Variants in NPAS3 observed in about 807,000 individuals in gnomAD.
NPAS3 encodes neuronal PAS domain-containing protein 3.
In NPAS3, 14 loss-of-function variants were observed where a neutral mutation model predicts 73.1. That is an observed-to-expected ratio of 0.19 (90% CI 0.13 to 0.30). The LOEUF (loss-of-function observed/expected upper bound fraction) is 0.30, where lower values mean the gene tolerates loss of function less well. Among genes scored for constraint, NPAS3 ranks in the 10% least tolerant of loss-of-function variants. The pLI, the probability that NPAS3 is intolerant of heterozygous loss-of-function variation, is 1.00. For missense variants in NPAS3, 1,096 were observed against 1,250.0 expected, an observed-to-expected ratio of 0.88 and a Z score of 1.86; for synonymous variants, 620 against 541.5, an observed-to-expected ratio of 1.14 and a Z score of -2.01.
chr14:33,800,874 T>A lies in NPAS3; in HGVS notation c.2567T>A (p.Val856Asp), dbSNP rs771327596. 1 of 1,606,556 alleles carries A rather than the reference T, an allele frequency of 6.2e-7. No individual in the cohort carries two copies. Among genetic ancestry groups the A allele is most frequent in the African/African-American group, 1.3e-5 (1 of 74,840 alleles). ...GCGCACGCTGTTAACTTCGTGGACG[T>A]TAACAGCCCCGGCTTTGGCCTCGAC... The change falls in exon 12 of 12, where the codon GTT (valine) becomes GAT (aspartate). Residue 856 changes from valine (V) to aspartate (D), a missense_variant. Physicochemically the swap from Val to Asp is radical, Grantham distance 152. Coordinates refer to ENST00000356141, the Ensembl canonical transcript of NPAS3. This position sits in a 1 kb window ranked among gnomAD's most constrained non-coding sequence, Gnocchi z 6.5.
At chr14:33,560,094 T>G (rs201531215) in intron 4 of NPAS3, 27 bp from the exon 5 acceptor site, 6 of 825,168 alleles carry the variant, frequency 7.3e-6, no homozygotes, top group Non-Finnish European at 1.3e-5. Context: ...TATTAATCTA[T>G]TTATATATTT....
chr14:33,769,415 C>T (rs733313), intron 7 of NPAS3, among the ~76,000 whole-genome samples: 4,823 of 152,288 alleles, frequency 0.032, 232 homozygotes, highest in African/African-American at 0.11. Context: ...AGTCTATTGT[C>T]GTCATCGTCC....
At chr14:33,740,780 C>T (rs2061636172) in intron 7 of NPAS3, among the ~76,000 whole-genome samples, 1 of 152,154 alleles carries the variant, frequency 6.6e-6, no homozygotes, top group South Asian at 2.1e-4. Flanking sequence ...ATCATGACTT[C>T]ATGCTAGCCT....
At chr14:33,280,827 A>C (rs1427688955) in intron 3 of NPAS3, among the ~76,000 whole-genome samples, 1 of 152,176 alleles carries the variant, frequency 6.6e-6, no homozygotes, top group Non-Finnish European at 1.5e-5. Flanking sequence ...GTGAGTCACC[A>C]CTCAAGTTCA....
intron 7 of NPAS3, among the ~76,000 whole-genome samples, chr14:33,769,756 C>CTTTTTTTTTTTTTTTTTT (rs916953785): frequency 6.1e-5 from 5 of 81,878 alleles, no homozygotes; most frequent in Admixed American, 3.7e-4. Flanking sequence ...TTTTTTTTTT[C>CTTTTTTTTTTTTTTTTTT]TTTTTTTTTT....
At chr14:33,494,575 A>G (rs1237089132) in intron 4 of NPAS3, among the ~76,000 whole-genome samples, 3 of 152,120 alleles carry the variant, frequency 2.0e-5, no homozygotes, top group Non-Finnish European at 4.4e-5. Flanking sequence ...TCAGACCTGG[A>G]TCTACAGGGA....
At chr14:33,720,871 T>G (rs1251235625) in intron 6 of NPAS3, among the ~76,000 whole-genome samples, 2 of 152,110 alleles carry the variant, frequency 1.3e-5, no homozygotes, top group African/African-American at 4.8e-5. Context: ...ATCCATGGGG[T>G]GATCTTCAGA....
intron 5 of NPAS3, among the ~76,000 whole-genome samples, chr14:33,639,656 T>C (rs2058620902): frequency 6.6e-6 from 1 of 152,220 alleles, no homozygotes; most frequent in Admixed American, 6.5e-5. Flanking sequence ...TGCCACTACA[T>C]CTTCTCCATC....
chr14:33,303,880 A>G (rs2042650703), intron 3 of NPAS3, among the ~76,000 whole-genome samples: 1 of 152,192 alleles, frequency 6.6e-6, no homozygotes, highest in South Asian at 2.1e-4. Flanking sequence ...GGACAGAAAC[A>G]TAGAAACTCA....
At chr14:33,096,668 T>G (rs538526013) in intron 2 of NPAS3, among the ~76,000 whole-genome samples, 1 of 152,348 alleles carries the variant, frequency 6.6e-6, no homozygotes, top group South Asian at 2.1e-4. Flanking sequence ...TGCTTCTAGT[T>G]ATCATGAGCT....
chr14:33,797,503 C>T (rs952629015), exon 11 of NPAS3: 1 of 1,614,192 alleles, frequency 6.2e-7, no homozygotes, highest in South Asian at 1.1e-5. Context: ...ACAGCTCCCC[C>T]ATCTGCCGGA....
intron 2 of NPAS3, among the ~76,000 whole-genome samples, chr14:33,197,496 A>G (rs980434580): frequency 2.0e-5 from 3 of 152,024 alleles, no homozygotes; most frequent in Non-Finnish European, 4.4e-5. Flanking sequence ...GGAAGCGTAT[A>G]CTGCCAGAGA....
chr14:33,014,951 C>T (rs17099911), intron 1 of NPAS3, among the ~76,000 whole-genome samples: 2,042 of 152,292 alleles, frequency 0.013, 46 homozygotes, highest in African/African-American at 0.046. Flanking sequence ...TTCACAGGTG[C>T]TGAGTTGTAG....
intron 4 of NPAS3, among the ~76,000 whole-genome samples, chr14:33,374,283 C>T (rs935339383): frequency 8.5e-5 from 13 of 152,068 alleles, no homozygotes; most frequent in African/African-American, 3.1e-4. Context: ...CTGTGTTTTA[C>T]AGAGGCTGTT....
At chr14:33,256,394 T>C (rs1387886092) in intron 3 of NPAS3, among the ~76,000 whole-genome samples, 9 of 152,204 alleles carry the variant, frequency 5.9e-5, no homozygotes, top group Non-Finnish European at 1.2e-4. Context: ...ATTATTTTGA[T>C]TGATTTTGTT....
intron 3 of NPAS3, among the ~76,000 whole-genome samples, chr14:33,331,708 G>A (rs2043994994): frequency 6.6e-6 from 1 of 152,180 alleles, no homozygotes; most frequent in Non-Finnish European, 1.5e-5. Context: ...ATCTGACAGA[G>A]GACAAAAGGG....
At chr14:33,634,289 T>C (rs1368332693) in intron 5 of NPAS3, among the ~76,000 whole-genome samples, 1 of 152,162 alleles carries the variant, frequency 6.6e-6, no homozygotes, top group Non-Finnish European at 1.5e-5. Flanking sequence ...AGCCACTAAC[T>C]CTAACAGGTT....
chr14:33,681,718 C>T (rs1316135337), intron 6 of NPAS3, among the ~76,000 whole-genome samples: 5 of 152,114 alleles, frequency 3.3e-5, no homozygotes, highest in Admixed American at 6.5e-5. Flanking sequence ...ATGGAGACTG[C>T]TCAGCATGCT....
At chr14:33,698,463 C>T (rs2060445417) in intron 6 of NPAS3, among the ~76,000 whole-genome samples, 2 of 152,148 alleles carry the variant, frequency 1.3e-5, no homozygotes, top group South Asian at 4.1e-4. Context: ...CACATTAAAG[C>T]TTTTGCCTCG....
Sources: gnomAD v4.1 joint callset for allele counts (sites outside exome capture counted in the v4.1 genomes callset) on GRCh38, gnomAD v4.1.1 for gene constraint, Gnocchi (gnomAD v3.1) non-coding constraint, MANE v1.5 for transcripts, NCBI Gene and HGNC (gene_info 2026-07-23, HGNC 2026-07-21) for gene names.